ALG3: variants seen among roughly 807,000 people sequenced by gnomAD.
The protein encoded by ALG3 is ALG3 alpha-1,3- mannosyltransferase.
In ALG3, 39 loss-of-function variants were observed where a neutral mutation model predicts 50.5. That is an observed-to-expected ratio of 0.77 (90% confidence interval 0.60 to 1.01). ALG3 has a LOEUF of 1.01. Among genes scored for constraint, ALG3 ranks in the 50% least tolerant of loss-of-function variants. ALG3 has a pLI of 0.00. For synonymous variants in ALG3, 252 were observed against 237.2 expected (o/e 1.06, Z -0.58); for missense variants, 520 against 554.8 (o/e 0.94, Z 0.63).
In ALG3 at chr3:184,242,382, C is replaced by T. The variant is rs920757286; in HGVS notation, c.*132G>A. The stretch of plus-strand genomic sequence containing the variant: ...CATACGTGTCCCTCACAGCCTGGAC[C>T]AGGCATCGGCTGCCCCCACCTCCAT... On this transcript the variant is annotated 3_prime_UTR_variant, in exon 9 of 9. Coordinates refer to ENST00000397676, the MANE Select transcript of ALG3 (RefSeq NM_005787.6). 6 of 1,145,566 alleles carry T rather than the reference C, an allele frequency of 5.2e-6. No homozygotes were observed. The Admixed American group carries it at 9.9e-5, about 19-fold the overall frequency. The allele number at this position is 1,145,566 out of a possible 1,614,324, so 71.0% of individuals were successfully genotyped here. A position where few individuals can be genotyped will look rare whatever the true frequency, so the allele number is the denominator to read the frequency against.
At chr3:184,244,821 C>A (rs141424764) in intron 4 of ALG3, 100 bp from the exon 5 acceptor site, 42 of 1,473,854 alleles carry the variant, frequency 2.8e-5, no homozygotes, top group African/African-American at 2.7e-4. Flanking sequence ...CAACCTCCCC[C>A]CCGCCGCCAC....
At chr3:184,245,852 G>T in intron 1 of ALG3, 40 bp from the exon 2 acceptor site, 1 of 1,528,282 alleles carries the variant, frequency 6.5e-7, no homozygotes, top group Non-Finnish European at 9.0e-7. Flanking sequence ...TCTGAGTCTA[G>T]AACTTGTCTG....
Position 184,248,910 on chromosome 3 carries a change from A to G in ALG3, c.31T>C (p.Ser11Pro). 5 of 1,593,912 alleles carry G rather than the reference A, an allele frequency of 3.1e-6. No individual in the cohort carries two copies. Among genetic ancestry groups the G allele is most frequent in the Non-Finnish European group, 4.3e-6 (5 of 1,171,012 alleles). Residue 11 changes from serine to proline, a missense_variant, in exon 1 of 9, where the codon TCC (serine) becomes CCC (proline). Physicochemically the swap from Ser to Pro is moderately conservative, Grantham distance 74 (BLOSUM62 -1). Around this residue, in one of 3 missense-constraint regions of ALG3, gnomAD observed 290 missense variants for 265.9 expected, o/e 1.09. Transcript: ENST00000397676. ...CCCTCTGCCTGGGCCGCGGAACCGGACCGGCCGCGTTTCCGCAGCCCAGCC... is the reference window on the plus strand; with the variant it reads ...CCCTCTGCCTGGGCCGCGGAACCGGGCCGGCCGCGTTTCCGCAGCCCAGCC... Reference protein sequence around the residue: MAAGLRKRGRSGSAAQAEGLC... With the variant: MAAGLRKRGRPGSAAQAEGLC...
At chr3:184,244,989 G>T in intron 4 of ALG3, 1 of 796,506 alleles carries the variant, frequency 1.3e-6, no homozygotes, top group Non-Finnish European at 2.1e-6. Context: ...AAGGAATGCT[G>T]TCTGGGAGGA....
rs1421314842 is a variant in ALG3 at position 184,245,804 on chromosome 3, T to C, written c.205A>G (p.Ile69Val). ...TCGGCCATGTAGGCCTTCCAGTCAA[T>C]CTCTGTGTCTGGAAGAAGACAAGAT... ...WVIHRVAYTEIDWKAYMAEVE... is the reference protein window; with the variant it reads ...WVIHRVAYTEVDWKAYMAEVE... The change falls in exon 2 of 9, where the codon ATT becomes GTT. Residue 69 changes from isoleucine (I) to valine (V), a missense_variant. Around this residue, in one of 3 missense-constraint regions of ALG3, gnomAD observed 290 missense variants for 265.9 expected, o/e 1.09. Transcript: ENST00000397676. The C allele has an allele frequency of 6.2e-7, 1 of 1,612,798 alleles. No homozygotes were observed.
rs1281276162 is a variant in ALG3 at position 184,245,612 on chromosome 3, G to T, written c.300C>A (p.Tyr100Ter). 6.2e-7 allele frequency: 1 copy of T among 1,612,794 alleles called. No individual in the cohort carries two copies. Among genetic ancestry groups the T allele is most frequent in the Non-Finnish European group, 8.5e-7 (1 of 1,179,342 alleles). ...TAAAGATGTACACGAAACCAGCTGG[G>T]TACCTGGAAGATGAGAGAAAATGTG... is the stretch of plus-strand genomic sequence containing the variant. The part of the protein sequence containing the change: ...QLQGDTGPLV[Y>*]PAGFVYIFMG... Residue 100 changes from tyrosine to a stop codon, truncating the protein, a stop_gained, in exon 3 of 9, where the codon TAC becomes TAA. Coordinates refer to ENST00000397676, the MANE Select transcript of ALG3 (RefSeq NM_005787.6). LOFTEE classifies it high-confidence loss of function.
intron 7 of ALG3, chr3:184,243,224 G>A (rs954888059): frequency 1.2e-5 from 7 of 575,200 alleles, no homozygotes; most frequent in African/African-American, 9.4e-5. Context: ...ACCTCATGAA[G>A]TCTTAATTTT....
intron 5 of ALG3, 129 bp downstream of exon 5, chr3:184,244,472 G>T: frequency 8.7e-7 from 1 of 1,151,702 alleles, no homozygotes; most frequent in South Asian, 1.6e-5. Flanking sequence ...TAGCGATAGT[G>T]GCTCCCTAGC....
In ALG3 at chr3:184,242,442, T is replaced by C. The variant is rs557042270; in HGVS notation, c.*72A>G. On this transcript the variant is annotated 3_prime_UTR_variant, in exon 9 of 9. Coordinates refer to ENST00000397676, the MANE Select transcript of ALG3 (RefSeq NM_005787.6). ...ACAGAGTTGGACTTAGCAAGGTTTA[T>C]TTGGAAGGGCAGAGTCCAACCAACC... 2 of 1,546,988 alleles carry C rather than the reference T, an allele frequency of 1.3e-6. No individual in the cohort carries two copies. The highest frequency in any genetic ancestry group is 1.2e-5 in the South Asian group (1 of 84,708).
chr3:184,249,426 G>T, upstream of ALG3: 2 of 961,250 alleles, frequency 2.1e-6, no homozygotes, highest in Non-Finnish European at 3.1e-6. Context: ...AAATATGAGA[G>T]GACGCAGTGA....
chr3:184,245,856 T>G, intron 1 of ALG3, 44 bp from the exon 2 acceptor site: 1 of 1,511,872 alleles, frequency 6.6e-7, no homozygotes, highest in Non-Finnish European at 9.1e-7. Flanking sequence ...AGTCTAGAAC[T>G]TGTCTGCCAC....
intron 4 of ALG3, 38 bp downstream of exon 4, chr3:184,245,160 A>T: frequency 6.2e-7 from 1 of 1,612,152 alleles, no homozygotes; most frequent in Non-Finnish European, 8.5e-7. Flanking sequence ...ATGGAAATGC[A>T]GAAAACGAGA....
Position 184,243,444 on chromosome 3 carries a change from T to C in ALG3, c.1009+110A>G, listed in dbSNP as rs528083652. 4.6e-4 allele frequency: 425 copies of C among 932,166 alleles called. 1 individual carries two copies. Among genetic ancestry groups the C allele is most frequent in the Middle Eastern group, 3.0e-3 (11 of 3,728 alleles). The allele number at this position is 932,166 out of a possible 1,614,324, so 57.7% of individuals were successfully genotyped here. A position where few individuals can be genotyped will look rare whatever the true frequency, so the allele number is the denominator to read the frequency against. ...GTGGTGCAGAATAGGACTTCTATGATTGGGGTCCCCTTTCCTCGCCCAGGT... is the reference window on the plus strand; with the variant it reads ...GTGGTGCAGAATAGGACTTCTATGACTGGGGTCCCCTTTCCTCGCCCAGGT... On this transcript the variant is annotated intron_variant, in intron 7 of 8. Coordinates refer to ENST00000397676, the MANE Select transcript of ALG3 (RefSeq NM_005787.6).
Position 184,243,540 on chromosome 3 carries a change from A to C in ALG3, c.1009+14T>G, listed in dbSNP as rs1318235778. The C allele has an allele frequency of 6.2e-7, 1 of 1,613,486 alleles. No individual in the cohort carries two copies. The highest frequency in any genetic ancestry group is 1.7e-5 in the Admixed American group (1 of 60,002). ...GAGAGGGCAAGACTTACCTTCCCACAATTTAAAGGATATGGTTGGGTGTAA... is the reference window on the plus strand; with the variant it reads ...GAGAGGGCAAGACTTACCTTCCCACCATTTAAAGGATATGGTTGGGTGTAA... On this transcript the variant is annotated intron_variant, in intron 7 of 8. Coordinates refer to ENST00000397676, the MANE Select transcript of ALG3 (RefSeq NM_005787.6).
At position 184,245,513 on chromosome 3, in the gene ALG3, C is replaced by T. The variant is rs555083969; in HGVS notation, c.399G>A (p.Leu133=). The stretch of plus-strand genomic sequence containing the variant: ...TCAAGAAGACAAGCAGCAAGGTAGC[C>T]AGGTAGAGCACAGCAAAGATGTTCT... ...MAQNIFAVLY[L]ATLLLVFLIY... The change falls in exon 3 of 9, where the codon CTG becomes CTA. Residue 133 remains leucine, a synonymous_variant. Coordinates refer to ENST00000397676, the MANE Select transcript of ALG3 (RefSeq NM_005787.6). 1.9e-6 allele frequency: 3 copies of T among 1,613,998 alleles called. No homozygotes were observed. In the South Asian group the frequency reaches 3.3e-5, roughly 18 times the overall value.
At chr3:184,243,449 G>T in intron 7 of ALG3, 105 bp downstream of exon 7, 2 of 1,003,820 alleles carry the variant, frequency 2.0e-6, no homozygotes, top group Non-Finnish European at 3.1e-6. Context: ...TATGATTGGG[G>T]TCCCCTTTCC....
intron 1 of ALG3, among the ~76,000 whole-genome samples, chr3:184,247,501 T>C (rs112672967): frequency 0.014 from 2,143 of 151,848 alleles, 49 homozygotes; most frequent in African/African-American, 0.05. Context: ...TTTCATCATG[T>C]TGGCCAGGCT....
intron 1 of ALG3, among the ~76,000 whole-genome samples, chr3:184,248,286 G>A (rs1278200574): frequency 6.6e-6 from 1 of 152,216 alleles, no homozygotes; most frequent in Non-Finnish European, 1.5e-5. Flanking sequence ...TAAGCCTAGA[G>A]TATAGTTTCA....
upstream of ALG3, chr3:184,249,360 G>A: frequency 1.4e-6 from 2 of 1,403,602 alleles, no homozygotes; most frequent in African/African-American, 1.5e-5. Context: ...CGGATGCTGA[G>A]AAAAATGAAC....
Sources: allele counts gnomAD v4.1 joint callset (sites outside exome capture counted in the v4.1 genomes callset), GRCh38; gene constraint gnomAD v4.1.1; regional missense constraint gnomAD v4.1.1; transcripts MANE v1.5; gene names NCBI Gene and HGNC (gene_info 2026-07-23, HGNC 2026-07-21).